Variants in DCDC1 observed in about 807,000 individuals in gnomAD.
DCDC1 encodes the protein doublecortin domain containing 1, also known as doublecortin domain-containing protein 1.
Under a neutral mutation model 178.3 loss-of-function variants are expected in DCDC1, and 200 were observed. That is an observed-to-expected ratio of 1.12 (90% CI 1.00 to 1.26). The LOEUF is 1.26. Among genes scored for constraint, DCDC1 ranks in the 50% most tolerant of loss-of-function variants. The pLI is 0.00. For synonymous variants in DCDC1, 690 were observed against 604.8 expected (o/e 1.14, Z -2.07); for missense variants, 1,983 against 1,749.2 (o/e 1.13, Z -2.38).
At chr11:30,910,964 C>A (rs965375882) in intron 28 of DCDC1, among the ~76,000 whole-genome samples, 1 of 152,270 alleles carries the variant, frequency 6.6e-6, no homozygotes, top group Middle Eastern at 3.4e-3. Flanking sequence ...TGCATATGTT[C>A]CTGATGATCA....
intron 9 of DCDC1, among the ~76,000 whole-genome samples, chr11:31,202,837 G>A (rs1385469580): frequency 6.6e-6 from 1 of 152,086 alleles, no homozygotes; most frequent in Non-Finnish European, 1.5e-5. Context: ...AGGAAAAGAG[G>A]CCAGGAAAAA....
In DCDC1 at chr11:30,897,507, C is replaced by T. The variant is rs530748730; in HGVS notation, c.4765+2034G>A. Among the ~76,000 whole-genome samples, 14 of 137,268 alleles carry T rather than the reference C, an allele frequency of 1.0e-4. No individual in the cohort carries two copies. In the South Asian group the frequency reaches 2.4e-3, roughly 24 times the overall value. The allele number at this position is 137,268 out of a possible 152,430, so 90.1% of individuals were successfully genotyped here. On this transcript the variant is annotated intron_variant, in intron 34 of 38. Transcript: ENST00000684477. ...CTGAGACAGGAGAATGGCGTGAACCCGGGAGGCGGAGCTTGCAGTGAGCTG... is the reference window on the plus strand; with the variant it reads ...CTGAGACAGGAGAATGGCGTGAACCTGGGAGGCGGAGCTTGCAGTGAGCTG...
At chr11:31,222,919 C>A (rs1346696926) in intron 9 of DCDC1, among the ~76,000 whole-genome samples, 1 of 151,994 alleles carries the variant, frequency 6.6e-6, no homozygotes, top group Non-Finnish European at 1.5e-5. Context: ...ATATTTGGCC[C>A]ATTGCAAAGA....
chr11:31,032,062 C>T lies in DCDC1; in HGVS notation c.2591+32407G>A, dbSNP rs146093985. 1.6e-3 allele frequency among the ~76,000 whole-genome samples: 237 copies of T among 152,236 alleles called. 1 individual carries two copies. Among genetic ancestry groups the T allele is most frequent in the Non-Finnish European group, 2.9e-3 (197 of 68,002 alleles). On this transcript the variant is annotated intron_variant, in intron 20 of 38. Transcript: ENST00000684477. ...TAATACAATAAAGAAATAGACTTCC[C>T]TTAGTCAACCTCCTTTGTGCTTGGA...
intron 7 of DCDC1, among the ~76,000 whole-genome samples, chr11:31,277,815 T>G (rs1946104050): frequency 6.6e-6 from 1 of 152,106 alleles, no homozygotes. Context: ...CAACCAAAGT[T>G]TTTTGTTAAG....
At chr11:31,353,033 A>C (rs1951155080) in intron 1 of DCDC1, among the ~76,000 whole-genome samples, 1 of 152,216 alleles carries the variant, frequency 6.6e-6, no homozygotes, top group Non-Finnish European at 1.5e-5. Context: ...GTGCACAAAC[A>C]CACACAACAC....
chr11:31,363,967 G>C (rs1198636824), intron 1 of DCDC1, among the ~76,000 whole-genome samples: 3 of 152,072 alleles, frequency 2.0e-5, no homozygotes, highest in African/African-American at 7.2e-5. Flanking sequence ...CTCTTCCCAG[G>C]CTAGTGATAG....
Position 31,057,248 on chromosome 11 carries a change from AAAGG to A in DCDC1, c.2591+7217_2591+7220del, listed in dbSNP as rs568316390. ...GATTCTATCTCGAAAGAAAGAAAAG[AAAGG>A]AAGGAAGGAAGGAAGGGAGGGAGGG... On this transcript the variant is annotated intron_variant, in intron 20 of 38. Transcript: ENST00000684477. Among the ~76,000 whole-genome samples, 383 of 138,070 alleles carry A rather than the reference AAAGG, an allele frequency of 2.8e-3. 2 individuals are homozygous for A. The highest frequency in any genetic ancestry group is 8.1e-3 in the African/African-American group (296 of 36,338). The allele number at this position is 138,070 out of a possible 152,430, so 90.6% of individuals were successfully genotyped here. A position where few individuals can be genotyped will look rare whatever the true frequency, so the allele number is the denominator to read the frequency against.
In DCDC1 at chr11:31,306,348, T is replaced by G. The variant is rs1948458065; in HGVS notation, c.475A>C (p.Asn159His). The G allele has an allele frequency of 5.6e-6, 9 of 1,609,088 alleles. No homozygotes were observed. Among genetic ancestry groups the G allele is most frequent in the South Asian group, 5.5e-5 (5 of 90,118 alleles). ...TGTCTTTGAGACAATTTCTGCCAATTCCGGGCTGACTGAAATTTTAAAGAA... is the reference window on the plus strand; with the variant it reads ...TGTCTTTGAGACAATTTCTGCCAATGCCGGGCTGACTGAAATTTTAAAGAA... Reference protein sequence around the residue: ...FSSLKFQSARNWQKLSQRHKL... With the variant: ...FSSLKFQSARHWQKLSQRHKL... Residue 159 changes from asparagine to histidine, a missense_variant, in exon 5 of 39, where the codon AAT (asparagine) becomes CAT (histidine). Coordinates refer to ENST00000684477, the MANE Select transcript of DCDC1 (RefSeq NM_001387274.1).
intron 20 of DCDC1, among the ~76,000 whole-genome samples, chr11:30,975,675 A>G (rs1950062986): frequency 6.6e-6 from 1 of 152,112 alleles, no homozygotes; most frequent in South Asian, 2.1e-4. Context: ...GACTTCTACA[A>G]GGAAAACAAC....
intron 20 of DCDC1, among the ~76,000 whole-genome samples, chr11:30,994,759 A>C: frequency 6.9e-6 from 1 of 144,196 alleles, no homozygotes; most frequent in South Asian, 2.1e-4. Flanking sequence ...TATATAATAT[A>C]TTTGTTTATT....
At position 31,294,075 on chromosome 11, in the gene DCDC1, C is replaced by T. The variant is rs142490848; in HGVS notation, c.755-3223G>A. On this transcript the variant is annotated intron_variant, in intron 6 of 38. Coordinates refer to ENST00000684477, the MANE Select transcript of DCDC1 (RefSeq NM_001387274.1). ...CAACAATATTTACTGGGTGTCCACA[C>T]ATCAAGGCACCAGGGCGACAACTGT... is the stretch of plus-strand genomic sequence containing the variant. Among the ~76,000 whole-genome samples, 583 of 152,290 alleles carry T rather than the reference C, an allele frequency of 3.8e-3. 4 individuals carry two copies. Among genetic ancestry groups the T allele is most frequent in the African/African-American group, 0.013 (560 of 41,552 alleles).
At chr11:31,365,875 T>C (rs1408715896) in intron 1 of DCDC1, among the ~76,000 whole-genome samples, 1 of 152,220 alleles carries the variant, frequency 6.6e-6, no homozygotes, top group Non-Finnish European at 1.5e-5. Context: ...AACAAATATT[T>C]GGGTTTGATT....
rs148559261 is a variant in DCDC1, at chr11:30,910,874, A to G, written c.3747+453T>C. 6.4e-3 allele frequency among the ~76,000 whole-genome samples: 981 copies of G among 152,306 alleles called. 12 individuals are homozygous for G. Among genetic ancestry groups the G allele is most frequent in the African/African-American group, 0.022 (919 of 41,566 alleles). On this transcript the variant is annotated intron_variant, in intron 28 of 38. Transcript: ENST00000684477. ...GGGTTGTTTGGTAGAATTAACATTGAGGATCTTGCATCCTTCGGGAAGACC... is the reference window on the plus strand; with the variant it reads ...GGGTTGTTTGGTAGAATTAACATTGGGGATCTTGCATCCTTCGGGAAGACC...
chr11:31,152,599 C>T lies in DCDC1; in HGVS notation c.1222-14815G>A, dbSNP rs117861857. On this transcript the variant is annotated intron_variant, in intron 9 of 38. Coordinates refer to ENST00000684477, the MANE Select transcript of DCDC1 (RefSeq NM_001387274.1). ...CGCCTTTCCTGAGGCAGTCTGTCAT[C>T]TCCTTTGTGTCACCAAAACAGTGTA... Among the ~76,000 whole-genome samples the T allele has an allele frequency of 2.2e-3, 328 of 152,326 alleles. 10 individuals are homozygous for T. The East Asian group carries it at 0.041, about 19-fold the overall frequency.
intron 2 of DCDC1, among the ~76,000 whole-genome samples, chr11:31,329,340 C>G (rs1949832550): frequency 6.6e-6 from 1 of 152,106 alleles, no homozygotes; most frequent in Admixed American, 6.6e-5. Flanking sequence ...TTCCTACGTA[C>G]ATAAGCCAAC....
At chr11:31,062,476 G>T (rs1010576449) in intron 20 of DCDC1, among the ~76,000 whole-genome samples, 6 of 152,240 alleles carry the variant, frequency 3.9e-5, no homozygotes, top group African/African-American at 4.8e-5. Context: ...TATTGTAGAT[G>T]GAGCATCAGG....
intron 36 of DCDC1, among the ~76,000 whole-genome samples, chr11:30,888,115 AAAG>A (rs1943422132): frequency 7.4e-6 from 1 of 134,682 alleles, no homozygotes; most frequent in Non-Finnish European, 1.6e-5. Flanking sequence ...AGAAAGAAAG[AAAG>A]AAAGAAAGAA....
At chr11:31,166,009 G>A (rs1183742909) in intron 9 of DCDC1, among the ~76,000 whole-genome samples, 1 of 152,092 alleles carries the variant, frequency 6.6e-6, no homozygotes, top group East Asian at 1.9e-4. Context: ...AGCCATAAAT[G>A]CAGTTCCTGA....
Sources: allele counts gnomAD v4.1 joint callset (sites outside exome capture counted in the v4.1 genomes callset), GRCh38; gene constraint gnomAD v4.1.1; transcripts MANE v1.5; gene names NCBI Gene and HGNC (gene_info 2026-07-23, HGNC 2026-07-21).